The following C6orf132 variants were observed in gnomAD, a reference collection of about 807,000 sequenced individuals.
C6orf132 encodes uncharacterized protein C6orf132.
Under a neutral mutation model 65.3 loss-of-function variants are expected in C6orf132, and 43 were observed. That is an observed-to-expected ratio of 0.66 (90% confidence interval 0.52 to 0.85). C6orf132 has a LOEUF of 0.85. Among genes scored for constraint, C6orf132 ranks in the 40% least tolerant of loss-of-function variants. The pLI is 0.00. For synonymous variants in C6orf132, 631 were observed against 654.1 expected (o/e 0.96, Z 0.54); for missense variants, 1,488 against 1,548.8 (o/e 0.96, Z 0.66).
In C6orf132 at chr6:42,106,124, T is replaced by G. The variant is rs1440198057; in HGVS notation, c.1788A>C (p.Glu596Asp). The change falls in exon 4 of 5, where the codon GAA becomes GAC. Residue 596 changes from glutamate to aspartate, a missense_variant. Transcript: ENST00000341865. ...CCCCGTTTTCACAAATTCTTCCCCC[T>G]TCTAGCCGAGGCTTAGGGGGCAGAG... ...IGSLPPKPRL[E>D]GGRICENGAD... The G allele has an allele frequency of 6.5e-7, 1 of 1,537,242 alleles. No individual in the cohort carries two copies. Among genetic ancestry groups the G allele is most frequent in the South Asian group, 1.2e-5 (1 of 84,062 alleles).
At chr6:42,132,864 A>AAAAAAAAAAG (rs1300102491) in intron 1 of C6orf132, among the ~76,000 whole-genome samples, 1 of 148,574 alleles carries the variant, frequency 6.7e-6, no homozygotes, top group African/African-American at 2.6e-5. Context: ...CTCAAAAAAA[A>AAAAAAAAAAG]AAAAGAAAAG....
intron 1 of C6orf132, among the ~76,000 whole-genome samples, chr6:42,133,254 G>A (rs1178570301): frequency 6.6e-6 from 1 of 152,236 alleles, no homozygotes; most frequent in African/African-American, 2.4e-5. Flanking sequence ...AGGAGGTGAA[G>A]GGGGTGCCTG....
Position 42,101,135 on chromosome 6 carries a change from A to T in C6orf132, c.*2626T>A, listed in dbSNP as rs1226258238. 6.6e-6 allele frequency: 1 copy of T among 151,994 alleles called. No homozygotes were observed. The highest frequency in any genetic ancestry group is 2.4e-5 in the African/African-American group (1 of 41,370). 9.4% of individuals were successfully genotyped at this position (151,994 alleles called of 1,614,324 possible). A position where few individuals can be genotyped will look rare whatever the true frequency, so the allele number is the denominator to read the frequency against. Reference sequence around the variant, plus strand: ...ACGTCAAGATGGCCTTAAAAAAAAAAGCTTTATGGAAAACTGTGACAGGCC... The same window carrying T: ...ACGTCAAGATGGCCTTAAAAAAAAATGCTTTATGGAAAACTGTGACAGGCC... On this transcript the variant is annotated 3_prime_UTR_variant, in exon 5 of 5. Transcript: ENST00000341865.
chr6:42,105,128 C>G lies in C6orf132; in HGVS notation c.2784G>C (p.Glu928Asp). The G allele has an allele frequency of 6.5e-7, 1 of 1,537,012 alleles. No individual in the cohort carries two copies. The highest frequency in any genetic ancestry group is 8.7e-7 in the Non-Finnish European group (1 of 1,146,842). Residue 928 changes from glutamate (E) to aspartate (D), a missense_variant, in exon 4 of 5, where the codon GAG becomes GAC. Physicochemically the swap from Glu to Asp is conservative, Grantham distance 45 (BLOSUM62 2). Coordinates refer to ENST00000341865, the MANE Select transcript of C6orf132 (RefSeq NM_001164446.3). ...TTGTCCAGTTGTGCCTGCGGCTCAG[C>G]TCTGTGCCCTCTGCGTCTCTTCCCA... ...PRLGRDAEGT[E>D]LSRRHNWTKP...
chr6:42,107,365 G>T lies in C6orf132; in HGVS notation c.547C>A (p.Pro183Thr), dbSNP rs1326601015. 2 of 1,026,338 alleles carry T rather than the reference G, an allele frequency of 1.9e-6. No homozygotes were observed. The highest frequency in any genetic ancestry group is 1.6e-5 in the African/African-American group (1 of 61,030). The allele number at this position is 1,026,338 out of a possible 1,614,324, so 63.6% of individuals were successfully genotyped here. ...GGTGGAGGTGGGGCCATGCTGGGCGGGGGTGGGGGTTCCAGCAGCAGGGGA... is the reference window on the plus strand; with the variant it reads ...GGTGGAGGTGGGGCCATGCTGGGCGTGGGTGGGGGTTCCAGCAGCAGGGGA... ...PPPLLLEPPP[P>T]PSMAPPPPPV... is the part of the protein sequence containing the mutation. Residue 183 changes from proline to threonine, a missense_variant, in exon 4 of 5, where the codon CCG becomes ACG. Transcript: ENST00000341865.
intron 1 of C6orf132, among the ~76,000 whole-genome samples, chr6:42,139,452 C>T (rs879754312): frequency 6.6e-5 from 10 of 152,196 alleles, no homozygotes; most frequent in South Asian, 2.1e-4. Flanking sequence ...AATATGTTAG[C>T]CTTTGCAGGC....
chr6:42,113,738 C>T (rs183067208), intron 2 of C6orf132, among the ~76,000 whole-genome samples: 14 of 152,104 alleles, frequency 9.2e-5, no homozygotes, highest in Non-Finnish European at 1.5e-4. Context: ...ATTGCTTGAA[C>T]CAGGGAGGCA....
In C6orf132 at chr6:42,106,395, C is replaced by A. The variant is rs745918225; in HGVS notation, c.1517G>T (p.Gly506Val). ...AGTCTCCTTCTCAGGCAGGCGGGGG[C>A]CCTTCTTGCCCTCCTTGCTCTGAGG... ...VAPQSKEGKK[G>V]PRLPEKETLL... The change falls in exon 4 of 5, where the codon GGC becomes GTC. Residue 506 changes from glycine (G) to valine (V), a missense_variant. Transcript: ENST00000341865. 4 of 1,534,328 alleles carry A rather than the reference C, an allele frequency of 2.6e-6. No homozygotes were observed. In the South Asian group the frequency reaches 4.8e-5, roughly 18 times the overall value.
At chr6:42,122,818 C>T (rs573215924) in intron 2 of C6orf132, among the ~76,000 whole-genome samples, 1 of 152,226 alleles carries the variant, frequency 6.6e-6, no homozygotes, top group South Asian at 2.1e-4. Flanking sequence ...GCAGGCGAGG[C>T]CTCCTGCCTG....
Position 42,124,941 on chromosome 6 carries a change from C to T in C6orf132, c.252+3731G>A, listed in dbSNP as rs1766742195. On this transcript the variant is annotated intron_variant, in intron 2 of 4. Coordinates refer to ENST00000341865, the MANE Select transcript of C6orf132 (RefSeq NM_001164446.3). The surrounding 1 kb of genome is among the most constrained non-coding windows in gnomAD (Gnocchi z 4.0). ...CACAGAAGAGTCCCTGTGATGTGGG[C>T]CACTGGGCCAAGGGTTCCTAATCTA... Among the ~76,000 whole-genome samples, 1 of 152,212 alleles carries T rather than the reference C, an allele frequency of 6.6e-6. No individual in the cohort carries two copies. The highest frequency in any genetic ancestry group is 2.4e-5 in the African/African-American group (1 of 41,462).
rs577868271 is a variant in C6orf132 at position 42,128,069 on chromosome 6, T to C, written c.252+603A>G. On this transcript the variant is annotated intron_variant, in intron 2 of 4. Transcript: ENST00000341865. ...CCTCCCGAGTAGCTGGGACTACAGGTGCTTGCCACTACACCGGCTATTTTT... is the reference window on the plus strand; with the variant it reads ...CCTCCCGAGTAGCTGGGACTACAGGCGCTTGCCACTACACCGGCTATTTTT... 1.1e-4 allele frequency among the ~76,000 whole-genome samples: 16 copies of C among 150,904 alleles called. No homozygotes were observed. In the East Asian group the frequency reaches 2.9e-3, roughly 28 times the overall value.
In C6orf132 at chr6:42,119,081, A is replaced by G. The variant is rs1004544111; in HGVS notation, c.253-8790T>C. 2.1e-4 allele frequency among the ~76,000 whole-genome samples: 31 copies of G among 147,472 alleles called. No homozygotes were observed. In the East Asian group the frequency reaches 3.4e-3, roughly 16 times the overall value. Reference sequence around the variant, plus strand: ...CCTGTCTCTACAAAAAAAAAAAAAAAAAAGAAAAAAAAAATAGGCAGGTGT... The same window carrying G: ...CCTGTCTCTACAAAAAAAAAAAAAAGAAAGAAAAAAAAAATAGGCAGGTGT... On this transcript the variant is annotated intron_variant, in intron 2 of 4. Coordinates refer to ENST00000341865, the MANE Select transcript of C6orf132 (RefSeq NM_001164446.3).
chr6:42,140,936 G>A (rs1425444225), intron 1 of C6orf132, among the ~76,000 whole-genome samples: 2 of 152,216 alleles, frequency 1.3e-5, no homozygotes, highest in Admixed American at 6.5e-5. Context: ...CCTACACCAT[G>A]CCTCCACTTG....
chr6:42,119,729 A>T (rs1289034747), intron 2 of C6orf132, among the ~76,000 whole-genome samples: 1 of 151,752 alleles, frequency 6.6e-6, no homozygotes, highest in Non-Finnish European at 1.5e-5. Flanking sequence ...GGCTCAAGTG[A>T]TCCTCCTCTG....
intron 1 of C6orf132, among the ~76,000 whole-genome samples, chr6:42,136,269 C>T (rs1162349615): frequency 2.6e-5 from 4 of 151,746 alleles, no homozygotes; most frequent in East Asian, 1.9e-4. Flanking sequence ...AACACTTTGT[C>T]GGGCTGTTTC....
intron 2 of C6orf132, among the ~76,000 whole-genome samples, chr6:42,119,248 C>CAAAAA (rs1156356191): frequency 4.2e-4 from 19 of 44,778 alleles, no homozygotes; most frequent in African/African-American, 1.8e-3. Flanking sequence ...GACTCTGTCT[C>CAAAAA]AAAAAAAAAA....
Position 42,104,511 on chromosome 6 carries a change from T to G in C6orf132, c.3401A>C (p.His1134Pro), listed in dbSNP as rs920886624. Residue 1134 changes from histidine to proline, a missense_variant, in exon 4 of 5, where the codon CAC becomes CCC. His to Pro is a moderately conservative substitution (Grantham distance 77, BLOSUM62 -2). Coordinates refer to ENST00000341865, the MANE Select transcript of C6orf132 (RefSeq NM_001164446.3). This position sits in a 1 kb window ranked among gnomAD's most constrained non-coding sequence, Gnocchi z 4.1. ...GTAGTCGGCGCTGCCGGGCGCTTTG[T>G]GCTTGGCCTCCGCGGCGCCCCGGGC... ...GAARGAAEAK[H>P]KAPGSADYGF... The G allele has an allele frequency of 8.1e-6, 10 of 1,235,316 alleles. No individual in the cohort carries two copies. The Admixed American group carries it at 2.1e-4, about 26-fold the overall frequency. The allele number at this position is 1,235,316 out of a possible 1,614,324, so 76.5% of individuals were successfully genotyped here.
At chr6:42,141,399 C>T (rs1182349135) in intron 1 of C6orf132, among the ~76,000 whole-genome samples, 1 of 152,212 alleles carries the variant, frequency 6.6e-6, no homozygotes, top group East Asian at 1.9e-4. Context: ...CGTTCCAGAG[C>T]CACATGTCAT....
intron 2 of C6orf132, among the ~76,000 whole-genome samples, chr6:42,118,563 A>G (rs921574657): frequency 1.4e-4 from 22 of 152,216 alleles, no homozygotes; most frequent in Non-Finnish European, 3.2e-4. Context: ...GGGCAGACCA[A>G]CCTGTGTACA....
Sources: gnomAD v4.1 joint callset for allele counts (sites outside exome capture counted in the v4.1 genomes callset) on GRCh38, gnomAD v4.1.1 for gene constraint, Gnocchi (gnomAD v3.1) non-coding constraint, MANE v1.5 for transcripts, NCBI Gene and HGNC (gene_info 2026-07-23, HGNC 2026-07-21) for gene names.